Variants in EEFSEC observed in about 807,000 individuals in gnomAD.
EEFSEC encodes selenocysteine-specific elongation factor.
In EEFSEC, 43 loss-of-function variants were observed where a neutral mutation model predicts 42.1. That is an observed-to-expected ratio of 1.02 (90% confidence interval 0.80 to 1.32). The LOEUF (loss-of-function observed/expected upper bound fraction) is 1.32. EEFSEC is among the 40% of genes most tolerant of loss of function. The probability of loss-of-function intolerance (pLI) is 0.00; values close to 1 mark genes in which losing one functional copy is unlikely to be tolerated. For synonymous variants in EEFSEC, 354 were observed against 339.1 expected (o/e 1.04, Z -0.48); for missense variants, 745 against 803.6 (o/e 0.93, Z 0.88).
chr3:128,261,314 A>C (rs917013366), intron 2 of EEFSEC, among the ~76,000 whole-genome samples: 5 of 152,224 alleles, frequency 3.3e-5, no homozygotes, highest in African/African-American at 1.2e-4. Flanking sequence ...AGATGCTTTC[A>C]TTTAAACCTC....
chr3:128,268,154 T>G (rs2066374799), intron 4 of EEFSEC, among the ~76,000 whole-genome samples: 1 of 152,254 alleles, frequency 6.6e-6, no homozygotes, highest in Non-Finnish European at 1.5e-5. Context: ...TGCTGTGTTT[T>G]AAACTTGCTT....
chr3:128,282,653 C>T (rs1053638020), intron 4 of EEFSEC, among the ~76,000 whole-genome samples: 18 of 152,086 alleles, frequency 1.2e-4, no homozygotes, highest in Admixed American at 1.2e-3. Context: ...CCCATTTCAC[C>T]GGGGACTTGG....
At chr3:128,379,316 T>C (rs1441859652) in intron 6 of EEFSEC, among the ~76,000 whole-genome samples, 1 of 152,212 alleles carries the variant, frequency 6.6e-6, no homozygotes, top group African/African-American at 2.4e-5. Flanking sequence ...ATTGAAGCAT[T>C]TCAAAGCAAT....
chr3:128,190,651 G>C (rs1200229981), intron 1 of EEFSEC, among the ~76,000 whole-genome samples: 1 of 152,138 alleles, frequency 6.6e-6, no homozygotes, highest in Non-Finnish European at 1.5e-5. Context: ...TCCATTGTTT[G>C]TAGAGCCTAC....
At chr3:128,216,146 A>G (rs1014623597) in intron 1 of EEFSEC, among the ~76,000 whole-genome samples, 2 of 152,214 alleles carry the variant, frequency 1.3e-5, no homozygotes, top group African/African-American at 4.8e-5. Context: ...CTTCATTTCA[A>G]ACCAAGCATT....
At chr3:128,204,348 A>G (rs1189431816) in intron 1 of EEFSEC, among the ~76,000 whole-genome samples, 1 of 152,254 alleles carries the variant, frequency 6.6e-6, no homozygotes, top group East Asian at 1.9e-4. Flanking sequence ...AGCCTGTTGC[A>G]TAGTCAACTC....
intron 4 of EEFSEC, among the ~76,000 whole-genome samples, chr3:128,297,641 G>A (rs188215401): frequency 1.3e-4 from 20 of 152,296 alleles, no homozygotes; most frequent in African/African-American, 4.6e-4. Flanking sequence ...TCATGGGAGG[G>A]CTCCAGCAGA....
chr3:128,240,764 G>T (rs1022489731), intron 1 of EEFSEC, among the ~76,000 whole-genome samples: 4 of 152,254 alleles, frequency 2.6e-5, no homozygotes, highest in African/African-American at 7.2e-5. Context: ...GAGAGTCAGG[G>T]TTGGGACAGC....
chr3:128,426,116 A>G, the EEFSEC span, among the ~76,000 whole-genome samples: 18 of 152,334 alleles, frequency 1.2e-4, no homozygotes, highest in South Asian at 1.7e-3. Context: ...AGAGCCACTC[A>G]GGTTCAGAGA....
At chr3:128,421,391 A>G in the EEFSEC span, among the ~76,000 whole-genome samples, 159 of 152,310 alleles carry the variant, frequency 1.0e-3, no homozygotes, top group African/African-American at 3.7e-3. Context: ...CTCCGTCTGC[A>G]GTCTCCTCAG....
At chr3:128,349,585 A>G (rs867128929) in intron 5 of EEFSEC, among the ~76,000 whole-genome samples, 8 of 152,132 alleles carry the variant, frequency 5.3e-5, no homozygotes, top group Non-Finnish European at 1.2e-4. Context: ...CACTGTTACC[A>G]CGCCCCAGGA....
rs116513276 is a variant in EEFSEC, at chr3:128,222,834, G to C, written c.317-24002G>C. On this transcript the variant is annotated intron_variant, in intron 1 of 6. Transcript: ENST00000254730. ...ATTATATATCATAAAGAATTTGTCT[G>C]GTCTTTGTCCCAGGTTCCTGGAGCT... Among the ~76,000 whole-genome samples, 1,108 of 152,308 alleles carry C rather than the reference G, an allele frequency of 7.3e-3. 21 individuals carry two copies. Among genetic ancestry groups the C allele is most frequent in the African/African-American group, 0.025 (1,053 of 41,562 alleles).
chr3:128,420,166 G>T, the EEFSEC span, among the ~76,000 whole-genome samples: 1 of 152,220 alleles, frequency 6.6e-6, no homozygotes, highest in Non-Finnish European at 1.5e-5. Flanking sequence ...GAGAGGCCCC[G>T]CGCAGAGCAG....
At chr3:128,338,242 A>T (rs979255424) in intron 4 of EEFSEC, among the ~76,000 whole-genome samples, 1 of 152,238 alleles carries the variant, frequency 6.6e-6, no homozygotes, top group Non-Finnish European at 1.5e-5. Flanking sequence ...ACACGTGTGT[A>T]TAAAAAGAAA....
intron 6 of EEFSEC, among the ~76,000 whole-genome samples, chr3:128,391,232 T>C (rs768765332): frequency 6.6e-5 from 10 of 152,258 alleles, no homozygotes; most frequent in Non-Finnish European, 1.2e-4. Flanking sequence ...CCACAGTTCC[T>C]TGCCCTCTAA....
intron 6 of EEFSEC, among the ~76,000 whole-genome samples, chr3:128,358,596 C>G (rs2067487696): frequency 6.6e-6 from 1 of 152,088 alleles, no homozygotes; most frequent in Non-Finnish European, 1.5e-5. Context: ...TGAGCAGGGT[C>G]AAGATTGGAG....
At chr3:128,210,320 CAG>C (rs952730320) in intron 1 of EEFSEC, among the ~76,000 whole-genome samples, 13 of 152,238 alleles carry the variant, frequency 8.5e-5, no homozygotes, top group African/African-American at 2.4e-4. Context: ...GAGTAGTTGG[CAG>C]AGAGGCACGC....
chr3:128,349,195 C>T (rs1317069158), intron 5 of EEFSEC, among the ~76,000 whole-genome samples: 1 of 152,012 alleles, frequency 6.6e-6, no homozygotes, highest in Non-Finnish European at 1.5e-5. Flanking sequence ...AAGAGGCAGG[C>T]AGGGCCAGCC....
chr3:128,360,623 C>G (rs73861051), intron 6 of EEFSEC, among the ~76,000 whole-genome samples: 17,278 of 151,428 alleles, frequency 0.11, 2,290 homozygotes, highest in African/African-American at 0.33. Flanking sequence ...CTTGGTTGGG[C>G]TGCTGGGGTG....
Sources: gnomAD v4.1 joint callset for allele counts (sites outside exome capture counted in the v4.1 genomes callset) on GRCh38, gnomAD v4.1.1 for gene constraint, MANE v1.5 for transcripts, NCBI Gene and HGNC (gene_info 2026-07-23, HGNC 2026-07-21) for gene names.